HTRA2: variants seen among roughly 807,000 people sequenced by gnomAD.
The protein encoded by HTRA2 is HtrA serine peptidase 2, also known as serine protease HTRA2, mitochondrial.
HTRA2 carries 24 observed loss-of-function variants against 42.2 expected under a neutral mutation model. That is an observed-to-expected ratio of 0.57 (90% CI 0.41 to 0.80). HTRA2 has a LOEUF of 0.80. Ranked by LOEUF, HTRA2 falls within the 30% of genes least tolerant of loss-of-function variation. The pLI is 0.00. For synonymous variants in HTRA2, 245 were observed against 255.8 expected (o/e 0.96, Z 0.40); for missense variants, 466 against 613.5 (o/e 0.76, Z 2.54).
upstream of HTRA2, chr2:74,529,719 C>T: frequency 6.5e-7 from 1 of 1,529,506 alleles, no homozygotes; most frequent in Non-Finnish European, 8.7e-7. Flanking sequence ...AGTCTTTGGG[C>T]ATCCGCCCGG....
upstream of HTRA2, chr2:74,529,842 G>C (rs1299402267): frequency 2.1e-6 from 3 of 1,421,272 alleles, no homozygotes; most frequent in African/African-American, 4.3e-5. Context: ...ACAATTCCCG[G>C]CATTCGTGGG....
rs746881352 is a variant in HTRA2, at chr2:74,532,659, G to T, written c.1156G>T (p.Asp386Tyr). 6 of 1,613,578 alleles carry T rather than the reference G, an allele frequency of 3.7e-6. No homozygotes were observed. Among genetic ancestry groups the T allele is most frequent in the South Asian group, 3.3e-5 (3 of 91,016 alleles). ...ACAGCTTCGAGAACCAAGCTTTCCC[G>T]ATGTTCAGCATGGTGTACTCATCCA... ...ELQLREPSFP[D>Y]VQHGVLIHKV... The change falls in exon 7 of 8, where the codon GAT becomes TAT. Residue 386 changes from aspartate (D) to tyrosine (Y), a missense_variant. By Grantham distance (160) the Asp-to-Tyr change is radical. Coordinates refer to ENST00000258080, the MANE Select transcript of HTRA2 (RefSeq NM_013247.5).
At position 74,532,953 on chromosome 2, in the gene HTRA2, A is replaced by G. The variant is rs760055758; in HGVS notation, c.1345A>G (p.Thr449Ala). 11 of 1,613,792 alleles carry G rather than the reference A, an allele frequency of 6.8e-6. No homozygotes were observed. The African/African-American group carries it at 1.3e-4, about 20-fold the overall frequency. ...GATCCGGCGGGGACGAGAAACACTG[A>G]CCTTATATGTGACCCCTGAGGTCAC... is the stretch of plus-strand genomic sequence containing the variant. ...VQIRRGRETL[T>A]LYVTPEVTE The change falls in exon 8 of 8, where the codon ACC (threonine) becomes GCC (alanine). Residue 449 changes from threonine (T) to alanine (A), a missense_variant. Around this residue, in one of 3 missense-constraint regions of HTRA2, gnomAD observed 129 missense variants for 163.1 expected, o/e 0.79. Transcript: ENST00000258080.
chr2:74,533,504 G>T, downstream of HTRA2: 1 of 981,564 alleles, frequency 1.0e-6, no homozygotes, highest in Non-Finnish European at 1.6e-6. Flanking sequence ...GGTCTGATGA[G>T]TGCGGTTGCT....
upstream of HTRA2, chr2:74,529,651 C>T (rs771102811): frequency 1.3e-6 from 2 of 1,547,940 alleles, no homozygotes; most frequent in Non-Finnish European, 8.7e-7. Context: ...CAGGAGCGCC[C>T]GGCCGTCGCC....
rs1675524684 is a variant in HTRA2, at chr2:74,530,613, T to C, written c.507-4T>C. The C allele has an allele frequency of 6.2e-7, 1 of 1,614,088 alleles. No homozygotes were observed. The highest frequency in any genetic ancestry group is 2.2e-5 in the East Asian group (1 of 44,880). On this transcript the variant is annotated splice_polypyrimidine_tract_variant and splice_region_variant and intron_variant, in intron 1 of 7. Transcript: ENST00000258080. This position sits in a 1 kb window ranked among gnomAD's most constrained non-coding sequence, Gnocchi z 7.4. ...CTCTTATCTGTGCTTTCCCTCCATT[T>C]CAGGCACCCTTTCTTGGGCCGCGAG...
chr2:74,529,655 C>G, upstream of HTRA2: 1 of 1,546,602 alleles, frequency 6.5e-7, no homozygotes, highest in Non-Finnish European at 8.7e-7. Context: ...AGCGCCCGGC[C>G]GTCGCCGCCG....
rs769315008 is a variant in HTRA2, at chr2:74,530,400, C to G, written c.394C>G (p.Leu132Val). The G allele has an allele frequency of 6.9e-6, 11 of 1,595,280 alleles. No homozygotes were observed. The African/African-American group carries it at 1.2e-4, about 17-fold the overall frequency. The part of the protein sequence containing the change: ...WGGGRGPPAV[L>V]AAVPSPPPAS... ...CGGGGGTCGGGGTCCTCCGGCCGTC[C>G]TCGCCGCCGTCCCTAGCCCGCCGCC... Residue 132 changes from leucine (L) to valine (V), a missense_variant, in exon 1 of 8, where the codon CTC (leucine) becomes GTC (valine). Transcript: ENST00000258080. This position sits in a 1 kb window ranked among gnomAD's most constrained non-coding sequence, Gnocchi z 7.4.
Position 74,530,814 on chromosome 2 carries a change from A to G in HTRA2, c.704A>G (p.Gln235Arg). The G allele has an allele frequency of 6.2e-7, 1 of 1,614,182 alleles. No individual in the cohort carries two copies. Residue 235 changes from glutamine (Q) to arginine (R), a missense_variant, in exon 2 of 8, where the codon CAG becomes CGG. By Grantham distance (43) the Gln-to-Arg change is conservative (BLOSUM62 1). This residue lies in a region of HTRA2 where 115 missense variants were observed against 245.4 expected (regional missense o/e 0.47). Coordinates refer to ENST00000258080, the MANE Select transcript of HTRA2 (RefSeq NM_013247.5). This position sits in a 1 kb window ranked among gnomAD's most constrained non-coding sequence, Gnocchi z 7.4. ...GCAGACATCGCAACGCTGAGGATTC[A>G]GACTAAGGTGGGGGCTGGGGTAGGC... Reference protein sequence around the residue: ...PVADIATLRIQTKEPLPTLPL... With the variant: ...PVADIATLRIRTKEPLPTLPL...
chr2:74,529,441 A>T (rs1180105016), upstream of HTRA2: 2 of 1,574,356 alleles, frequency 1.3e-6, no homozygotes, highest in Non-Finnish European at 1.7e-6. Flanking sequence ...ACGAGGAGGC[A>T]GAACCCGACT....
At position 74,532,868 on chromosome 2, in the gene HTRA2, G is replaced by A; in HGVS notation, c.1260G>A (p.Met420Ile). 4 of 1,614,100 alleles carry A rather than the reference G, an allele frequency of 2.5e-6. No homozygotes were observed. The highest frequency in any genetic ancestry group is 3.4e-6 in the Non-Finnish European group (4 of 1,180,016). The stretch of plus-strand genomic sequence containing the variant: ...TGATTTTGGCCATTGGGGAGCAGAT[G>A]GTACAAAATGCTGAAGATGTTTATG... ...GDVILAIGEQ[M>I]VQNAEDVYEA... Residue 420 changes from methionine to isoleucine, a missense_variant, in exon 8 of 8, where the codon ATG becomes ATA. Met to Ile is a conservative substitution (Grantham distance 10). This residue lies in a region of HTRA2 where 129 missense variants were observed against 163.1 expected (regional missense o/e 0.79). Transcript: ENST00000258080.
chr2:74,531,978 G>C, intron 6 of HTRA2, 53 bp downstream of exon 6: 6 of 1,500,182 alleles, frequency 4.0e-6, no homozygotes, highest in African/African-American at 1.4e-5. Context: ...ATCAGAGGGG[G>C]GCACCTCTAT....
upstream of HTRA2, chr2:74,529,667 C>T (rs1343787241): frequency 1.3e-6 from 2 of 1,543,856 alleles, no homozygotes; most frequent in Non-Finnish European, 1.7e-6. Flanking sequence ...TCGCCGCCGC[C>T]GCCATTTTCG....
chr2:74,529,941 C>A lies in HTRA2; in HGVS notation c.-66C>A. On this transcript the variant is annotated 5_prime_UTR_variant, in exon 1 of 8. Coordinates refer to ENST00000258080, the MANE Select transcript of HTRA2 (RefSeq NM_013247.5). Reference sequence around the variant, plus strand: ...CCGGCGTGCCCCGCGTCCTACTGTCCGCCTGCTCGCGTCCTGGGTGCCGCC... The same window carrying A: ...CCGGCGTGCCCCGCGTCCTACTGTCAGCCTGCTCGCGTCCTGGGTGCCGCC... 1.3e-6 allele frequency: 2 copies of A among 1,492,730 alleles called. No individual in the cohort carries two copies. Among genetic ancestry groups the A allele is most frequent in the South Asian group, 1.3e-5 (1 of 74,436 alleles). The allele number at this position is 1,492,730 out of a possible 1,614,324, so 92.5% of individuals were successfully genotyped here.
rs573555457 is a variant in HTRA2 at position 74,530,866 on chromosome 2, C to T, written c.711+45C>T. The T allele has an allele frequency of 1.2e-6, 2 of 1,614,094 alleles. No homozygotes were observed. Among genetic ancestry groups the T allele is most frequent in the African/African-American group, 1.3e-5 (1 of 75,040 alleles). ...AGGTCTGGTTGGAGCTGCTTATTTGCTCGCATCTTCAGATGACAGGTCTCT... is the reference window on the plus strand; with the variant it reads ...AGGTCTGGTTGGAGCTGCTTATTTGTTCGCATCTTCAGATGACAGGTCTCT... On this transcript the variant is annotated intron_variant, in intron 2 of 7. Coordinates refer to ENST00000258080, the MANE Select transcript of HTRA2 (RefSeq NM_013247.5). This position sits in a 1 kb window ranked among gnomAD's most constrained non-coding sequence, Gnocchi z 7.4.
At chr2:74,532,533 C>A in intron 6 of HTRA2, 86 bp from the exon 7 acceptor site, 2 of 984,258 alleles carry the variant, frequency 2.0e-6, no homozygotes, top group South Asian at 1.3e-5. Flanking sequence ...ATATATTTAT[C>A]AATGTGTTGA....
chr2:74,530,345 T>C lies in HTRA2; in HGVS notation c.339T>C (p.Ala113=), dbSNP rs1241224108. The part of the protein sequence containing the change: ...SRAWLAVALG[A]GGAVLLLLWG... ...CGTGGCTGGCGGTGGCGCTGGGCGCTGGGGGGGCAGTGCTGTTGTTGTTGT... is the reference window on the plus strand; with the variant it reads ...CGTGGCTGGCGGTGGCGCTGGGCGCCGGGGGGGCAGTGCTGTTGTTGTTGT... The change falls in exon 1 of 8, where the codon GCT becomes GCC. Residue 113 remains alanine, a synonymous_variant. Transcript: ENST00000258080. This position sits in a 1 kb window ranked among gnomAD's most constrained non-coding sequence, Gnocchi z 7.4. 4.4e-6 allele frequency: 7 copies of C among 1,590,622 alleles called. No homozygotes were observed. Among genetic ancestry groups the C allele is most frequent in the African/African-American group, 1.4e-5 (1 of 74,000 alleles).
chr2:74,529,683 G>A (rs374306906), upstream of HTRA2: 95 of 1,540,590 alleles, frequency 6.2e-5, no homozygotes, highest in South Asian at 6.0e-4. Flanking sequence ...TTTCGCGCCC[G>A]GCCGCAGGGG....
intron 3 of HTRA2, 43 bp downstream of exon 3, chr2:74,531,148 G>A: frequency 5.6e-6 from 9 of 1,604,012 alleles, no homozygotes; most frequent in Non-Finnish European, 7.7e-6. Context: ...TGGGGGAGGG[G>A]GGAGAGGCTG....
Sources: gnomAD v4.1 joint callset for allele counts on GRCh38, gnomAD v4.1.1 for gene constraint, gnomAD v4.1.1 regional missense constraint, Gnocchi (gnomAD v3.1) non-coding constraint, MANE v1.5 for transcripts, NCBI Gene and HGNC (gene_info 2026-07-23, HGNC 2026-07-21) for gene names.